ANKS1B: variants seen among roughly 807,000 people sequenced by gnomAD.
ANKS1B encodes the protein ankyrin repeat and sterile alpha motif domain-containing protein 1B.
Under a neutral mutation model 148.3 loss-of-function variants are expected in ANKS1B, and 36 were observed. The observed-to-expected ratio is 0.24, with a 90% CI of 0.19 to 0.32. The LOEUF (loss-of-function observed/expected upper bound fraction) is 0.32, where lower values mean the gene tolerates loss of function less well. Among genes scored for constraint, ANKS1B ranks in the 10% least tolerant of loss-of-function variants. The pLI is 1.00. For synonymous variants in ANKS1B, 542 were observed against 560.8 expected, an observed-to-expected ratio of 0.97 and a Z score of 0.47; for missense variants, 1,157 against 1,542.6, an observed-to-expected ratio of 0.75 and a Z score of 4.19.
chr12:99,021,977 T>C (rs543846143), intron 17 of ANKS1B, among the ~76,000 whole-genome samples: 23 of 152,314 alleles, frequency 1.5e-4, no homozygotes, highest in African/African-American at 4.6e-4. Context: ...ACAGTGCATA[T>C]GTTATGCAAA....
At chr12:99,827,853 T>C (rs964310498) in intron 1 of ANKS1B, among the ~76,000 whole-genome samples, 3 of 152,218 alleles carry the variant, frequency 2.0e-5, no homozygotes, top group African/African-American at 7.2e-5. Flanking sequence ...TAAAAAGTTA[T>C]ATACAAATAC....
chr12:99,168,677 T>C (rs1442932114), intron 14 of ANKS1B, among the ~76,000 whole-genome samples: 1 of 152,158 alleles, frequency 6.6e-6, no homozygotes, highest in Admixed American at 6.5e-5. Context: ...GAACAAGCCA[T>C]TCCAGCATCT....
At chr12:99,226,458 T>C (rs2153945022) in intron 14 of ANKS1B, among the ~76,000 whole-genome samples, 1 of 152,342 alleles carries the variant, frequency 6.6e-6, no homozygotes. Flanking sequence ...TGGAAATTCT[T>C]GTTTGATACA....
chr12:98,819,930 A>C (rs2099170579), intron 19 of ANKS1B, among the ~76,000 whole-genome samples: 1 of 152,232 alleles, frequency 6.6e-6, no homozygotes, highest in Non-Finnish European at 1.5e-5. Flanking sequence ...GCTTTACATG[A>C]AGCAATTGTT....
chr12:98,997,633 T>C (rs944402215), intron 17 of ANKS1B, among the ~76,000 whole-genome samples: 2 of 152,044 alleles, frequency 1.3e-5, no homozygotes, highest in Admixed American at 6.6e-5. Context: ...CCTCGTGATC[T>C]GCCTGCCTCG....
intron 12 of ANKS1B, among the ~76,000 whole-genome samples, chr12:99,316,274 T>C (rs2084073135): frequency 6.6e-6 from 1 of 152,238 alleles, no homozygotes; most frequent in Non-Finnish European, 1.5e-5. Flanking sequence ...TGAACTAGTT[T>C]ACAGTCCCAC....
chr12:98,912,326 C>T (rs193176702), intron 17 of ANKS1B, among the ~76,000 whole-genome samples: 2 of 152,270 alleles, frequency 1.3e-5, no homozygotes, highest in East Asian at 3.9e-4. Flanking sequence ...CCTGAGCACT[C>T]GCTACCAGAG....
chr12:99,785,211 T>C (rs2153637351), intron 4 of ANKS1B, among the ~76,000 whole-genome samples: 1 of 149,198 alleles, frequency 6.7e-6, no homozygotes, highest in East Asian at 1.9e-4. Context: ...TTTTTTTTTT[T>C]CATTCTTTTT....
intron 17 of ANKS1B, among the ~76,000 whole-genome samples, chr12:99,010,550 A>T (rs1568344121): frequency 6.6e-6 from 1 of 152,168 alleles, no homozygotes; most frequent in African/African-American, 2.4e-5. Flanking sequence ...TTGATGAAAT[A>T]GGTATTACAA....
intron 17 of ANKS1B, among the ~76,000 whole-genome samples, chr12:99,022,026 A>C (rs906772687): frequency 1.3e-5 from 2 of 152,164 alleles, no homozygotes; most frequent in African/African-American, 4.8e-5. Context: ...GTCTTCTAAT[A>C]GATGTGAAAT....
chr12:98,954,462 T>C (rs1597502256), intron 17 of ANKS1B: 1 of 152,352 alleles, frequency 6.6e-6, no homozygotes, highest in Middle Eastern at 3.4e-3. Flanking sequence ...GCCTTTAGGA[T>C]GCGATTGAGC....
intron 25 of ANKS1B, among the ~76,000 whole-genome samples, chr12:98,752,377 G>A (rs535224109): frequency 6.6e-6 from 1 of 152,074 alleles, no homozygotes; most frequent in African/African-American, 2.4e-5. Flanking sequence ...TCTTGCCTCA[G>A]CCTCCCGAGT....
At chr12:99,050,940 G>T (rs762638661) in intron 17 of ANKS1B, among the ~76,000 whole-genome samples, 1 of 151,250 alleles carries the variant, frequency 6.6e-6, no homozygotes, top group African/African-American at 2.4e-5. Flanking sequence ...GTTGTGATCC[G>T]CCCGCCTCGA....
chr12:99,822,553 T>C (rs2082646963), intron 2 of ANKS1B, among the ~76,000 whole-genome samples: 4 of 152,240 alleles, frequency 2.6e-5, no homozygotes. Context: ...TTTGATTTGC[T>C]GTTCTTCCAT....
chr12:98,780,538 G>C (rs2098724241), intron 24 of ANKS1B, among the ~76,000 whole-genome samples: 1 of 152,160 alleles, frequency 6.6e-6, no homozygotes. Context: ...CCACAGCATG[G>C]CCTGGGCTCT....
chr12:99,214,681 G>T (rs961283575), intron 14 of ANKS1B, among the ~76,000 whole-genome samples: 3 of 152,184 alleles, frequency 2.0e-5, no homozygotes, highest in Non-Finnish European at 4.4e-5. Flanking sequence ...GAGTAAACTG[G>T]TACCAGTAGA....
intron 26 of ANKS1B, among the ~76,000 whole-genome samples, chr12:98,747,873 G>T (rs1284897144): frequency 6.6e-6 from 1 of 152,220 alleles, no homozygotes; most frequent in Non-Finnish European, 1.5e-5. Flanking sequence ...AATATTGTAT[G>T]TTCTCATATG....
intron 12 of ANKS1B, among the ~76,000 whole-genome samples, chr12:99,285,694 C>G (rs1354137213): frequency 6.6e-6 from 1 of 152,152 alleles, no homozygotes; most frequent in Non-Finnish European, 1.5e-5. Context: ...GTTGGCGCCA[C>G]CCCTCCCTCA....
At chr12:99,410,526 G>A (rs909736454) in intron 11 of ANKS1B, among the ~76,000 whole-genome samples, 1 of 152,062 alleles carries the variant, frequency 6.6e-6, no homozygotes, top group Non-Finnish European at 1.5e-5. Flanking sequence ...AAAATTAGCC[G>A]GGTGTGGTTG....
Sources: allele counts gnomAD v4.1 joint callset (sites outside exome capture counted in the v4.1 genomes callset), GRCh38; gene constraint gnomAD v4.1.1; transcripts MANE v1.5; gene names NCBI Gene and HGNC (gene_info 2026-07-23, HGNC 2026-07-21).